Variants in CDH13 observed in about 807,000 individuals in gnomAD.
The protein encoded by CDH13 is cadherin-13.
A neutral mutation model predicts 63.8 loss-of-function variants in CDH13; 24 were observed. The observed-to-expected ratio is 0.38, with a 90% CI of 0.27 to 0.53. The LOEUF is 0.53. Ranked by LOEUF, CDH13 falls within the 20% of genes least tolerant of loss-of-function variation. The pLI is 0.85. For missense variants in CDH13, 1,049 were observed against 903.1 expected, an observed-to-expected ratio of 1.16 and a Z score of -2.07; for synonymous variants, 503 against 355.3, an observed-to-expected ratio of 1.42 and a Z score of -4.67.
At chr16:82,945,322 C>T (rs1470039164) in intron 2 of CDH13, among the ~76,000 whole-genome samples, 1 of 152,060 alleles carries the variant, frequency 6.6e-6, no homozygotes, top group Non-Finnish European at 1.5e-5. Flanking sequence ...TACAAAAAAA[C>T]AAAGGGTCAG....
chr16:83,132,153 C>A (rs767989588), intron 4 of CDH13, among the ~76,000 whole-genome samples: 11 of 152,070 alleles, frequency 7.2e-5, no homozygotes, highest in Non-Finnish European at 1.3e-4. Context: ...ACTTTGAAGA[C>A]CCACGAAGAC....
chr16:83,769,599 A>G (rs1914626732), intron 11 of CDH13, among the ~76,000 whole-genome samples: 1 of 152,196 alleles, frequency 6.6e-6, no homozygotes, highest in Non-Finnish European at 1.5e-5. Context: ...TGTCTTATCT[A>G]CCAAACAGCT....
chr16:82,649,253 T>C (rs747375314), intron 1 of CDH13, among the ~76,000 whole-genome samples: 3 of 152,116 alleles, frequency 2.0e-5, no homozygotes, highest in Non-Finnish European at 4.4e-5. Flanking sequence ...ACTCAGATTA[T>C]TGTGAAATGA....
chr16:82,690,911 T>C (rs1915582364), intron 1 of CDH13, among the ~76,000 whole-genome samples: 1 of 152,156 alleles, frequency 6.6e-6, no homozygotes, highest in African/African-American at 2.4e-5. Flanking sequence ...ATGAACGCTC[T>C]AGTTGCCTGT....
chr16:82,871,340 C>T (rs1221640544), intron 2 of CDH13, among the ~76,000 whole-genome samples: 1 of 152,042 alleles, frequency 6.6e-6, no homozygotes, highest in Non-Finnish European at 1.5e-5. Context: ...CTCAGGCTGC[C>T]ATGGAGCCAT....
At chr16:83,240,218 T>G (rs1025492105) in intron 5 of CDH13, among the ~76,000 whole-genome samples, 6 of 151,922 alleles carry the variant, frequency 3.9e-5, no homozygotes, top group African/African-American at 1.5e-4. Context: ...ACCCTGGAAG[T>G]AGGTGCAAAG....
At chr16:83,495,162 C>G (rs1202878467) in intron 7 of CDH13, among the ~76,000 whole-genome samples, 1 of 152,144 alleles carries the variant, frequency 6.6e-6, no homozygotes, top group African/African-American at 2.4e-5. Context: ...TCAGGAGACC[C>G]TGAGAACATA....
intron 3 of CDH13, among the ~76,000 whole-genome samples, chr16:83,104,527 G>T (rs1403730366): frequency 6.6e-6 from 1 of 150,418 alleles, no homozygotes; most frequent in Non-Finnish European, 1.5e-5. Flanking sequence ...GGCAACCCTA[G>T]TGTTTTAATT....
intron 3 of CDH13, among the ~76,000 whole-genome samples, chr16:83,105,316 G>C (rs2034710753): frequency 6.6e-6 from 1 of 152,188 alleles, no homozygotes; most frequent in Non-Finnish European, 1.5e-5. Flanking sequence ...CTCTGAGTCT[G>C]TCCTGGAATA....
At position 82,735,517 on chromosome 16, in the gene CDH13, G is replaced by T. The variant is rs377167364; in HGVS notation, c.45+108380G>T. 6.4e-4 allele frequency among the ~76,000 whole-genome samples: 98 copies of T among 152,326 alleles called. 2 individuals are homozygous for T. The South Asian group carries it at 0.019, about 30-fold the overall frequency. On this transcript the variant is annotated intron_variant, in intron 1 of 13. Transcript: ENST00000567109. ...GATTCTGCTAAAGCTACATGAGTGG[G>T]CAAATCAAGAAATTGTATTCCATAA...
At chr16:82,896,681 T>A (rs2041278381) in intron 2 of CDH13, among the ~76,000 whole-genome samples, 1 of 150,854 alleles carries the variant, frequency 6.6e-6, no homozygotes, top group South Asian at 2.1e-4. Context: ...CTGGAAGAGC[T>A]GTCAGACCAG....
intron 4 of CDH13, among the ~76,000 whole-genome samples, chr16:83,213,484 A>G (rs1007865948): frequency 2.0e-5 from 3 of 152,152 alleles, no homozygotes; most frequent in African/African-American, 7.2e-5. Flanking sequence ...AGAAGGGTCA[A>G]GAAAAGATAA....
intron 2 of CDH13, among the ~76,000 whole-genome samples, chr16:83,007,865 A>G (rs1035114239): frequency 2.6e-5 from 4 of 151,664 alleles, no homozygotes; most frequent in Middle Eastern, 3.2e-3. Context: ...CCTTAAAATT[A>G]TTATGCATGC....
intron 1 of CDH13, among the ~76,000 whole-genome samples, chr16:82,751,841 C>G (rs8048570): frequency 0.015 from 2,297 of 152,148 alleles, 58 homozygotes; most frequent in African/African-American, 0.053. Context: ...TGTTGGTGAG[C>G]GGATGAGAAA....
intron 6 of CDH13, among the ~76,000 whole-genome samples, chr16:83,454,043 C>A (rs892066614): frequency 1.2e-4 from 18 of 152,142 alleles, no homozygotes; most frequent in African/African-American, 4.3e-4. Context: ...TTCTAAGGGG[C>A]ATGGGTGTTT....
chr16:82,812,032 G>C (rs115431571), intron 1 of CDH13, among the ~76,000 whole-genome samples: 148 of 152,280 alleles, frequency 9.7e-4, no homozygotes, highest in African/African-American at 3.4e-3. Context: ...ACCAGGTTAC[G>C]AAGGGATGTT....
intron 1 of CDH13, among the ~76,000 whole-genome samples, chr16:82,639,766 T>C (rs1470631612): frequency 1.3e-5 from 2 of 152,196 alleles, no homozygotes; most frequent in African/African-American, 2.4e-5. Context: ...ATGTGTTGAG[T>C]GCTTATTATG....
chr16:83,487,428 C>T (rs915136841), intron 7 of CDH13, among the ~76,000 whole-genome samples: 1 of 152,150 alleles, frequency 6.6e-6, no homozygotes, highest in Non-Finnish European at 1.5e-5. Context: ...CCAGTGGATC[C>T]AGGGTCTGCT....
chr16:83,134,864 G>A (rs562255788), intron 4 of CDH13, among the ~76,000 whole-genome samples: 18 of 152,142 alleles, frequency 1.2e-4, no homozygotes, highest in East Asian at 5.8e-4. Context: ...TCTACATCCC[G>A]CAAATAAAGG....
Sources: allele counts gnomAD v4.1 joint callset (sites outside exome capture counted in the v4.1 genomes callset), GRCh38; gene constraint gnomAD v4.1.1; transcripts MANE v1.5; gene names NCBI Gene and HGNC (gene_info 2026-07-23, HGNC 2026-07-21).